The following PPOX variants were observed in gnomAD, a reference collection of about 807,000 sequenced individuals.
PPOX encodes the protein variegate porphyria.
A neutral mutation model predicts 54.1 loss-of-function variants in PPOX; 23 were observed. The observed-to-expected ratio is 0.43, with a 90% CI of 0.31 to 0.60. The LOEUF (loss-of-function observed/expected upper bound fraction) is 0.60. PPOX is among the 20% of genes least tolerant of loss of function. PPOX has a pLI of 0.13. For synonymous variants in PPOX, 224 were observed against 236.1 expected, an observed-to-expected ratio of 0.95 and a Z score of 0.47; for missense variants, 512 against 601.1, an observed-to-expected ratio of 0.85 and a Z score of 1.55.
At chr1:161,167,549 CTTCT>C (rs1659454690) in intron 4 of PPOX, 63 bp downstream of exon 4, 1 of 689,136 alleles carries the variant, frequency 1.5e-6, no homozygotes, top group African/African-American at 2.2e-5. Flanking sequence ...CCATTTCTTT[CTTCT>C]TTTCTTTTTT....
downstream of PPOX, chr1:161,172,091 T>TGA (rs761907963): frequency 1.3e-5 from 21 of 1,614,082 alleles, no homozygotes; most frequent in South Asian, 2.3e-4. Flanking sequence ...AGGTCAAATC[T>TGA]GAGGGTTAGA....
intron 5 of PPOX, 36 bp downstream of exon 5, chr1:161,168,163 C>T: frequency 6.2e-7 from 1 of 1,614,124 alleles, no homozygotes. Context: ...CCTCTTCCCT[C>T]CTAAACCAGC....
At chr1:161,177,124 G>C, downstream of PPOX, 1 of 1,493,512 alleles carries the variant, frequency 6.7e-7, no homozygotes, top group Admixed American at 2.0e-5. Flanking sequence ...GAAAGGGAGA[G>C]GGAGAGCAGG....
chr1:161,169,246 A>C, intron 7 of PPOX, 63 bp downstream of exon 7: 1 of 1,585,158 alleles, frequency 6.3e-7, no homozygotes, highest in Non-Finnish European at 8.6e-7. Context: ...AAGTGGCTTA[A>C]CTAGGCCAGG....
In PPOX at chr1:161,166,499, G is replaced by C. The variant is rs1658945441; in HGVS notation, c.-182G>C. 7.6e-7 allele frequency: 1 copy of C among 1,308,038 alleles called. No homozygotes were observed. The allele number at this position is 1,308,038 out of a possible 1,614,324, so 81.0% of individuals were successfully genotyped here. On this transcript the variant is annotated 5_prime_UTR_variant, in exon 1 of 13. Transcript: ENST00000367999. ...TTTGAAGCACTTGTTGGCCTACAGAGGTGTGGCAAGCAGAGCACCTCAGAA... is the reference window on the plus strand; with the variant it reads ...TTTGAAGCACTTGTTGGCCTACAGACGTGTGGCAAGCAGAGCACCTCAGAA...
intron 4 of PPOX, chr1:161,176,737 C>G: frequency 1.2e-6 from 1 of 833,768 alleles, no homozygotes; most frequent in Non-Finnish European, 1.9e-6. Context: ...CCCGTGCTAC[C>G]CTGGAATGAT....
At position 161,166,890 on chromosome 1, in the gene PPOX, T is replaced by G; in HGVS notation, c.43T>G (p.Leu15Val). 4.3e-6 allele frequency: 7 copies of G among 1,613,830 alleles called. No individual in the cohort carries two copies. Among genetic ancestry groups the G allele is most frequent in the Non-Finnish European group, 5.9e-6 (7 of 1,180,018 alleles). ...CGTGCTGGGCGGAGGCATCAGCGGC[T>G]TGGCCGCCAGTTACCACCTGAGCCG... ...VVVLGGGISG[L>V]AASYHLSRAP... The change falls in exon 2 of 13, where the codon TTG becomes GTG. Residue 15 changes from leucine (L) to valine (V), a missense_variant. Leu to Val is a conservative substitution (Grantham distance 32). Transcript: ENST00000367999.
downstream of PPOX, chr1:161,177,793 G>T (rs1298075528): frequency 6.6e-6 from 1 of 152,332 alleles, no homozygotes; most frequent in Non-Finnish European, 1.5e-5. Context: ...CTAGTGAGCC[G>T]GTTTCTGGTG....
At chr1:161,177,252 T>G, downstream of PPOX, 1 of 634,646 alleles carries the variant, frequency 1.6e-6, no homozygotes, top group Non-Finnish European at 2.7e-6. Context: ...GTCTCTTGCT[T>G]TTGCCCTACC....
At chr1:161,170,365 G>A in intron 9 of PPOX, 44 bp from the exon 10 acceptor site, 1 of 1,037,464 alleles carries the variant, frequency 9.6e-7, no homozygotes, top group Non-Finnish European at 1.4e-6. Flanking sequence ...GACAGCCTCA[G>A]CTAGAGCCCT....
At chr1:161,171,969 C>T (rs1661612353), downstream of PPOX, 3 of 1,614,010 alleles carry the variant, frequency 1.9e-6, no homozygotes, top group East Asian at 2.2e-5. Context: ...GAGGGTCAGT[C>T]CCAATGTCTG....
intron 4 of PPOX, chr1:161,167,765 A>G (rs965109792): frequency 3.8e-5 from 27 of 719,764 alleles, no homozygotes; most frequent in Non-Finnish European, 5.6e-5. Context: ...GGGTTTCACC[A>G]TATTGGCCAG....
chr1:161,171,676 G>T, downstream of PPOX: 1 of 1,234,530 alleles, frequency 8.1e-7, no homozygotes, highest in Non-Finnish European at 1.1e-6. Flanking sequence ...GTCCAGCAGT[G>T]AGGGAGAGGC....
At chr1:161,169,491 A>G (rs952030121) in intron 7 of PPOX, 169 bp from the exon 8 acceptor site, 23 of 774,316 alleles carry the variant, frequency 3.0e-5, no homozygotes, top group Non-Finnish European at 4.9e-5. Context: ...ACACAGAGGA[A>G]TGATTTTTTG....
At chr1:161,174,364 T>C (rs1014975705), downstream of PPOX, among the ~76,000 whole-genome samples, 5 of 142,878 alleles carry the variant, frequency 3.5e-5, no homozygotes, top group Non-Finnish European at 7.5e-5. Flanking sequence ...GCCGAGATCG[T>C]GCCACTGCAC....
rs1001610761 is a variant in PPOX, at chr1:161,171,046, A to G, written c.1304A>G (p.Gln435Arg). 6.2e-7 allele frequency: 1 copy of G among 1,614,182 alleles called. No homozygotes were observed. The highest frequency in any genetic ancestry group is 8.5e-7 in the Non-Finnish European group (1 of 1,180,022). The change falls in exon 13 of 13, where the codon CAA becomes CGA. Residue 435 changes from glutamine to arginine, a missense_variant. Coordinates refer to ENST00000367999, the MANE Select transcript of PPOX (RefSeq NM_001122764.3). Reference protein sequence around the residue: ...GHWQKLESARQFLTAHRLPLT... With the variant: ...GHWQKLESARRFLTAHRLPLT... ...CCTTTCCTTCCAGAGTCAGCTAGGC[A>G]ATTCCTGACTGCTCACAGGTTGCCC...
At chr1:161,167,532 A>G (rs1490084488) in intron 4 of PPOX, 46 bp downstream of exon 4, 2 of 1,231,828 alleles carry the variant, frequency 1.6e-6, no homozygotes, top group Non-Finnish European at 2.3e-6. Context: ...TCATCCTCAT[A>G]TGCCTTCCAT....
In PPOX at chr1:161,167,515, T is replaced by A. The variant is rs758750195; in HGVS notation, c.338+29T>A. ...ACACCAGCACCTCCGCTCCTTTTAC[T>A]GTGCCCTCATCCTCATATGCCTTCC... is the stretch of plus-strand genomic sequence containing the variant. On this transcript the variant is annotated intron_variant, in intron 4 of 12. Coordinates refer to ENST00000367999, the MANE Select transcript of PPOX (RefSeq NM_001122764.3). The A allele has an allele frequency of 8.7e-6, 14 of 1,601,930 alleles. 1 individual carries two copies. In the Middle Eastern group the frequency reaches 2.0e-3, roughly 232 times the overall value.
intron 11 of PPOX, 52 bp from the exon 12 acceptor site, chr1:161,170,855 G>A: frequency 6.2e-7 from 1 of 1,613,782 alleles, no homozygotes; most frequent in Non-Finnish European, 8.5e-7. Flanking sequence ...GTCAGCCAAG[G>A]CCTAGGACAT....
Sources: gnomAD v4.1 joint callset for allele counts (sites outside exome capture counted in the v4.1 genomes callset) on GRCh38, gnomAD v4.1.1 for gene constraint, MANE v1.5 for transcripts, NCBI Gene and HGNC (gene_info 2026-07-23, HGNC 2026-07-21) for gene names.